Variants in CDA observed in about 807,000 individuals in gnomAD.
CDA encodes cytidine deaminase.
CDA carries 7 observed loss-of-function variants against 15.0 expected under a neutral mutation model. The ratio of observed to expected loss-of-function variants is 0.47; its 90% CI spans 0.26 to 0.87. The LOEUF is 0.87. Among genes scored for constraint, CDA ranks in the 40% least tolerant of loss-of-function variants. The pLI is 0.15. For synonymous variants in CDA, 58 were observed against 73.0 expected, an observed-to-expected ratio of 0.79 and a Z score of 1.05; for missense variants, 159 against 182.7, an observed-to-expected ratio of 0.87 and a Z score of 0.75.
chr1:20,605,319 T>G (rs1557548937), intron 2 of CDA, among the ~76,000 whole-genome samples: 3 of 151,924 alleles, frequency 2.0e-5, no homozygotes, highest in Non-Finnish European at 4.4e-5. Context: ...TGATACAGAC[T>G]CCTGTCCTAC....
intron 2 of CDA, among the ~76,000 whole-genome samples, chr1:20,610,895 A>G (rs568581192): frequency 6.6e-6 from 1 of 152,322 alleles, no homozygotes; most frequent in Non-Finnish European, 1.5e-5. Context: ...AAAATGACTT[A>G]GTCAAAGTCA....
chr1:20,609,736 A>G (rs1248369344), intron 2 of CDA, among the ~76,000 whole-genome samples: 2 of 152,152 alleles, frequency 1.3e-5, no homozygotes, highest in Non-Finnish European at 2.9e-5. Flanking sequence ...TTTGGTCGAC[A>G]TGTCTGGAAT....
chr1:20,611,879 T>C (rs1420382495), intron 2 of CDA, among the ~76,000 whole-genome samples: 3 of 152,082 alleles, frequency 2.0e-5, no homozygotes, highest in East Asian at 3.9e-4. Context: ...TGTTTGTTTT[T>C]TGAGACAGGG....
rs574808605 is a variant in CDA at position 20,603,215 on chromosome 1, A to G, written c.155-1713A>G. Among the ~76,000 whole-genome samples the G allele has an allele frequency of 1.1e-4, 17 of 152,320 alleles. 1 individual carries two copies. The South Asian group carries it at 3.3e-3, about 30-fold the overall frequency. On this transcript the variant is annotated intron_variant, in intron 1 of 3. Coordinates refer to ENST00000375071, the MANE Select transcript of CDA (RefSeq NM_001785.3). ...TTTGTTCAAGTTGCATCTCACCTTCAGCACAAATGTCTGTATTAGACATAG... is the reference window on the plus strand; with the variant it reads ...TTTGTTCAAGTTGCATCTCACCTTCGGCACAAATGTCTGTATTAGACATAG...
At chr1:20,599,840 T>C (rs1408802672) in intron 1 of CDA, among the ~76,000 whole-genome samples, 3 of 152,248 alleles carry the variant, frequency 2.0e-5, no homozygotes, top group Middle Eastern at 3.4e-3. Flanking sequence ...CCAGGCTTTG[T>C]GTTAAGTGCT....
chr1:20,606,832 T>C (rs1461518756), intron 2 of CDA, among the ~76,000 whole-genome samples: 1 of 152,224 alleles, frequency 6.6e-6, no homozygotes, highest in Non-Finnish European at 1.5e-5. Context: ...ACTCAGTGGT[T>C]TCAGGATCCA....
intron 1 of CDA, among the ~76,000 whole-genome samples, chr1:20,600,293 C>T (rs1282948599): frequency 6.6e-6 from 1 of 152,012 alleles, no homozygotes; most frequent in South Asian, 2.1e-4. Flanking sequence ...AGACTTTAGT[C>T]AGGGATCGGG....
chr1:20,606,774 C>T (rs2052698484), intron 2 of CDA, among the ~76,000 whole-genome samples: 1 of 152,168 alleles, frequency 6.6e-6, no homozygotes, highest in South Asian at 2.1e-4. Flanking sequence ...GTTGGTATGG[C>T]TTACTTTCCA....
intron 3 of CDA, among the ~76,000 whole-genome samples, chr1:20,615,045 A>G (rs1570387791): frequency 1.3e-5 from 2 of 152,164 alleles, no homozygotes; most frequent in African/African-American, 4.8e-5. Context: ...TATTTTTAGT[A>G]GAGACTGGGT....
chr1:20,596,679 T>C (rs1348749611), intron 1 of CDA, among the ~76,000 whole-genome samples: 3 of 151,904 alleles, frequency 2.0e-5, no homozygotes, highest in Non-Finnish European at 4.4e-5. Flanking sequence ...GTGGGTGCAG[T>C]GCTTTCTGGC....
At chr1:20,601,600 C>T (rs2154532271) in intron 1 of CDA, among the ~76,000 whole-genome samples, 1 of 152,300 alleles carries the variant, frequency 6.6e-6, no homozygotes, top group East Asian at 1.9e-4. Context: ...GACAAGGGAC[C>T]TGCAGCTGTG....
chr1:20,610,871 G>T (rs1055021088), intron 2 of CDA, among the ~76,000 whole-genome samples: 22 of 152,130 alleles, frequency 1.4e-4, no homozygotes, highest in Middle Eastern at 3.2e-3. Context: ...AAATAAATGA[G>T]ACTTGGATGA....
chr1:20,613,960 C>G (rs972916175), intron 3 of CDA, 61 bp downstream of exon 3: 1 of 1,496,662 alleles, frequency 6.7e-7, no homozygotes, highest in Non-Finnish European at 9.3e-7. Flanking sequence ...GCTATGGGAG[C>G]CACGCCAAGT....
chr1:20,594,788 CAAAA>C (rs60698295), intron 1 of CDA, among the ~76,000 whole-genome samples: 1 of 121,568 alleles, frequency 8.2e-6, no homozygotes, highest in Admixed American at 8.9e-5. Context: ...GACGCCATCT[CAAAA>C]AAAAAAAAAA....
At chr1:20,611,735 G>C (rs991530715) in intron 2 of CDA, among the ~76,000 whole-genome samples, 1 of 152,234 alleles carries the variant, frequency 6.6e-6, no homozygotes, top group Non-Finnish European at 1.5e-5. Context: ...AGGTCTGCCT[G>C]TAGGAGCCTA....
intron 2 of CDA, among the ~76,000 whole-genome samples, chr1:20,611,046 C>G (rs1222322555): frequency 2.0e-5 from 3 of 152,126 alleles, no homozygotes; most frequent in Non-Finnish European, 1.5e-5. Context: ...TCAAGACCAG[C>G]CTGGGCAATA....
At position 20,611,403 on chromosome 1, in the gene CDA, G is replaced by A. The variant is rs532676352; in HGVS notation, c.267-2439G>A. Among the ~76,000 whole-genome samples the A allele has an allele frequency of 4.5e-4, 69 of 151,842 alleles. 1 individual carries two copies. In the South Asian group the frequency reaches 0.011, roughly 23 times the overall value. ...TTGTTTTGTTTTGTTTTGTTTTGAG[G>A]CGGAGTCTCGCTCTGTCACCAGGCT... On this transcript the variant is annotated intron_variant, in intron 2 of 3. Transcript: ENST00000375071.
intron 1 of CDA, among the ~76,000 whole-genome samples, chr1:20,598,757 A>G (rs1174839189): frequency 6.6e-6 from 1 of 152,150 alleles, no homozygotes; most frequent in Non-Finnish European, 1.5e-5. Flanking sequence ...TTATCTCACA[A>G]ATGCCCCACC....
intron 1 of CDA, among the ~76,000 whole-genome samples, chr1:20,591,121 C>T (rs1222894077): frequency 1.3e-5 from 2 of 152,112 alleles, no homozygotes; most frequent in African/African-American, 2.4e-5. Flanking sequence ...AGGCGGATCA[C>T]GATGTCAGGA....
Sources: allele counts gnomAD v4.1 joint callset (sites outside exome capture counted in the v4.1 genomes callset), GRCh38; gene constraint gnomAD v4.1.1; transcripts MANE v1.5; gene names NCBI Gene and HGNC (gene_info 2026-07-23, HGNC 2026-07-21).